ZNF454: variants seen among roughly 807,000 people sequenced by gnomAD.
The protein encoded by ZNF454 is zinc finger protein 454.
In ZNF454, 30 loss-of-function variants were observed where a neutral mutation model predicts 48.2. The ratio of observed to expected loss-of-function variants is 0.62; its 90% confidence interval spans 0.47 to 0.84. The LOEUF is 0.84. ZNF454 is among the 40% of genes least tolerant of loss of function. The pLI is 0.00. For synonymous variants in ZNF454, 204 were observed against 211.4 expected (o/e 0.97, Z 0.30); for missense variants, 510 against 623.1 (o/e 0.82, Z 1.93).
chr5:178,968,608 C>T (rs1760199279), downstream of ZNF454: 2 of 356,964 alleles, frequency 5.6e-6, no homozygotes, highest in South Asian at 4.2e-5. Context: ...TCATCTGCAG[C>T]TTCACGCAGC....
chr5:178,941,228 G>C lies in ZNF454; in HGVS notation c.-324G>C. On this transcript the variant is annotated 5_prime_UTR_variant, in exon 1 of 5. Transcript: ENST00000519564. This position sits in a 1 kb window ranked among gnomAD's most constrained non-coding sequence, Gnocchi z 5.5. ...CCGGCTGCAGACTCCAGCTCATTGT[G>C]TTCTGACTGCGATGTGGCGCTTGCG... 2.6e-6 allele frequency: 1 copy of C among 386,160 alleles called. No individual in the cohort carries two copies. Among genetic ancestry groups the C allele is most frequent in the South Asian group, 1.9e-5 (1 of 52,854 alleles). The allele number at this position is 386,160 out of a possible 1,614,324, so 23.9% of individuals were successfully genotyped here. A position where few individuals can be genotyped will look rare whatever the true frequency, so the allele number is the denominator to read the frequency against.
Position 178,941,447 on chromosome 5 carries a change from A to G in ZNF454, c.-108+3A>G, listed in dbSNP as rs752008352. 4.2e-5 allele frequency: 19 copies of G among 452,872 alleles called. No homozygotes were observed. Among genetic ancestry groups the G allele is most frequent in the Admixed American group, 1.9e-4 (8 of 41,926 alleles). 28.1% of individuals were successfully genotyped at this position (452,872 alleles called of 1,614,324 possible). On this transcript the variant is annotated splice_donor_region_variant and intron_variant, in intron 1 of 4. Transcript: ENST00000519564. This position sits in a 1 kb window ranked among gnomAD's most constrained non-coding sequence, Gnocchi z 5.5. ...GAATGCCCCAAACTTCCCGGAATGT[A>G]TGTCTGAGATTTGATCCCAGAGAGG...
the ZNF454 span, chr5:178,986,943 A>G: frequency 6.2e-7 from 1 of 1,613,852 alleles, no homozygotes; most frequent in Non-Finnish European, 8.5e-7. Context: ...GCCCGGGCGC[A>G]TCTCCGTTCT....
chr5:178,945,565 ATGTG>A (rs1330272602), intron 2 of ZNF454, among the ~76,000 whole-genome samples: 2 of 108,856 alleles, frequency 1.8e-5, no homozygotes, highest in Non-Finnish European at 3.7e-5. Context: ...ATATAGGTGT[ATGTG>A]TGTGTCTGTG....
chr5:178,985,442 G>T, the ZNF454 span, among the ~76,000 whole-genome samples: 2 of 150,814 alleles, frequency 1.3e-5, no homozygotes, highest in Non-Finnish European at 2.9e-5. Flanking sequence ...AGCGGCTCCC[G>T]CCTGTCATCC....
chr5:178,967,988 C>T (rs1760190725), downstream of ZNF454, among the ~76,000 whole-genome samples: 1 of 152,046 alleles, frequency 6.6e-6, no homozygotes, highest in Non-Finnish European at 1.5e-5. Flanking sequence ...ATCCGCCCAC[C>T]TCGGCCTCCC....
At chr5:178,986,502 G>C in the ZNF454 span, 2 of 1,609,716 alleles carry the variant, frequency 1.2e-6, no homozygotes, top group Non-Finnish European at 1.7e-6. Flanking sequence ...GGGCTGCCCA[G>C]GGGGAGGACC....
Position 178,962,555 on chromosome 5 carries a change from C to T in ZNF454, c.251-2100C>T, listed in dbSNP as rs144055504. Among the ~76,000 whole-genome samples the T allele has an allele frequency of 9.2e-3, 1,403 of 151,796 alleles. 23 individuals are homozygous for T. Among genetic ancestry groups the T allele is most frequent in the African/African-American group, 0.032 (1,347 of 41,506 alleles). On this transcript the variant is annotated intron_variant, in intron 4 of 4. Transcript: ENST00000519564. Reference sequence around the variant, plus strand: ...TCATAATTTTGGTTATTGTATTTCTCAGTTCTAGAATTTCCATTTGATTAT... The same window carrying T: ...TCATAATTTTGGTTATTGTATTTCTTAGTTCTAGAATTTCCATTTGATTAT...
At chr5:178,952,957 G>A (rs1483542165) in intron 4 of ZNF454, among the ~76,000 whole-genome samples, 1 of 151,664 alleles carries the variant, frequency 6.6e-6, no homozygotes, top group Non-Finnish European at 1.5e-5. Flanking sequence ...AGTAATACAA[G>A]CATTTAATGA....
chr5:178,982,768 AAAGT>A, the ZNF454 span: 2 of 664,460 alleles, frequency 3.0e-6, no homozygotes, highest in African/African-American at 1.8e-5. Context: ...ATGAATGAAC[AAAGT>A]AAGAAGGGAA....
rs1474250342 is a variant in ZNF454 at position 178,966,117 on chromosome 5, G to A, written c.*144G>A. On this transcript the variant is annotated 3_prime_UTR_variant, in exon 5 of 5. Transcript: ENST00000519564. ...TGAGGGTCAGGTTTCACAGTGTCATGGGGTTTGGGCATTTAAGAATGGCAA... is the reference window on the plus strand; with the variant it reads ...TGAGGGTCAGGTTTCACAGTGTCATAGGGTTTGGGCATTTAAGAATGGCAA... 4.6e-5 allele frequency: 35 copies of A among 765,888 alleles called. 1 individual carries two copies. Among genetic ancestry groups the A allele is most frequent in the Non-Finnish European group, 5.9e-5 (29 of 489,336 alleles). 47.4% of individuals were successfully genotyped at this position (765,888 alleles called of 1,614,324 possible). A position where few individuals can be genotyped will look rare whatever the true frequency, so the allele number is the denominator to read the frequency against.
At position 178,947,560 on chromosome 5, in the gene ZNF454, G is replaced by A. The variant is rs183334294; in HGVS notation, c.250+574G>A. ...TTTTGCTGTGTTGCTCACACCTAGC[G>A]TAGTGCTTGGCACCTAGTAAGTGGC... On this transcript the variant is annotated intron_variant, in intron 4 of 4. Transcript: ENST00000519564. Among the ~76,000 whole-genome samples, 19 of 152,312 alleles carry A rather than the reference G, an allele frequency of 1.2e-4. No homozygotes were observed. The East Asian group carries it at 1.7e-3, about 14-fold the overall frequency.
downstream of ZNF454, among the ~76,000 whole-genome samples, chr5:178,971,243 A>C (rs1760228757): frequency 6.6e-6 from 1 of 152,106 alleles, no homozygotes; most frequent in African/African-American, 2.4e-5. Context: ...GAGGCACCTG[A>C]GTGTTCAGGA....
chr5:178,988,636 C>T, the ZNF454 span, among the ~76,000 whole-genome samples: 3 of 152,280 alleles, frequency 2.0e-5, no homozygotes, highest in Middle Eastern at 3.4e-3. This position sits in a 1 kb window ranked among gnomAD's most constrained non-coding sequence, Gnocchi z 6.0. Context: ...TCAAGCTCTG[C>T]GCAGTGGAGG....
the ZNF454 span, chr5:178,986,414 G>A: frequency 1.9e-5 from 31 of 1,613,596 alleles, no homozygotes; most frequent in Admixed American, 1.0e-4. Flanking sequence ...CGGACGATGG[G>A]CGTGTTGTTG....
rs1489623529 is a variant in ZNF454 at position 178,941,669 on chromosome 5, T to C, written c.-108+225T>C. ...ACTCGCCAAGGCCGGAGGCAGCCGC[T>C]GCGCAGCCCCTGCCACAGCCCCCGA... is the stretch of plus-strand genomic sequence containing the variant. On this transcript the variant is annotated intron_variant, in intron 1 of 4. Coordinates refer to ENST00000519564, the MANE Select transcript of ZNF454 (RefSeq NM_001178089.3). This position sits in a 1 kb window ranked among gnomAD's most constrained non-coding sequence, Gnocchi z 5.5. Among the ~76,000 whole-genome samples, 1 of 151,954 alleles carries C rather than the reference T, an allele frequency of 6.6e-6. No homozygotes were observed. The highest frequency in any genetic ancestry group is 2.4e-5 in the African/African-American group (1 of 41,332).
the ZNF454 span, among the ~76,000 whole-genome samples, chr5:178,976,458 GT>G: frequency 1.3e-5 from 2 of 152,010 alleles, no homozygotes; most frequent in Non-Finnish European, 1.5e-5. Context: ...TAAGCAGTCT[GT>G]GGGGGGCAGT....
the ZNF454 span, among the ~76,000 whole-genome samples, chr5:178,974,125 A>G: frequency 6.6e-6 from 1 of 152,118 alleles, no homozygotes; most frequent in Non-Finnish European, 1.5e-5. Flanking sequence ...GAGAAACTGG[A>G]TCTTGGGAGT....
chr5:178,974,698 G>T, the ZNF454 span, among the ~76,000 whole-genome samples: 2 of 152,152 alleles, frequency 1.3e-5, no homozygotes, highest in African/African-American at 4.8e-5. Flanking sequence ...ACTGTGCATT[G>T]TTCCTACATT....
Sources: gnomAD v4.1 joint callset for allele counts (sites outside exome capture counted in the v4.1 genomes callset) on GRCh38, gnomAD v4.1.1 for gene constraint, Gnocchi (gnomAD v3.1) non-coding constraint, MANE v1.5 for transcripts, NCBI Gene and HGNC (gene_info 2026-07-23, HGNC 2026-07-21) for gene names.